ANK3: variants seen among roughly 807,000 people sequenced by gnomAD.
The protein encoded by ANK3 is ankyrin 3, also known as ankyrin-3.
In ANK3, 57 loss-of-function variants were observed where a neutral mutation model predicts 370.9. The ratio of observed to expected loss-of-function variants is 0.15; its 90% confidence interval spans 0.12 to 0.19. The LOEUF (loss-of-function observed/expected upper bound fraction) is 0.19. Ranked by LOEUF, ANK3 falls within the 10% of genes least tolerant of loss-of-function variation. The pLI is 1.00. For synonymous variants in ANK3, 1,929 were observed against 1,946.3 expected (o/e 0.99, Z 0.23); for missense variants, 4,439 against 5,302.1 (o/e 0.84, Z 5.06).
intron 2 of ANK3, among the ~76,000 whole-genome samples, chr10:60,488,434 C>A (rs57308365): frequency 3.3e-5 from 5 of 152,126 alleles, no homozygotes; most frequent in South Asian, 2.1e-4. Context: ...ACATCCTATA[C>A]AACTCACCCA....
At chr10:60,726,699 T>C (rs1429564808) in intron 1 of ANK3, among the ~76,000 whole-genome samples, 1 of 152,108 alleles carries the variant, frequency 6.6e-6, no homozygotes, top group Admixed American at 6.5e-5. Context: ...GTGATAGAAA[T>C]TTTCTAAAAT....
chr10:60,176,688 G>A (rs1432185642), intron 18 of ANK3, among the ~76,000 whole-genome samples: 1 of 152,026 alleles, frequency 6.6e-6, no homozygotes, highest in Admixed American at 6.6e-5. Flanking sequence ...GAATCCGGGA[G>A]GTAGAGGTTG....
At chr10:60,573,744 C>A (rs2077646654) in intron 2 of ANK3, among the ~76,000 whole-genome samples, 1 of 152,148 alleles carries the variant, frequency 6.6e-6, no homozygotes, top group Non-Finnish European at 1.5e-5. Context: ...GTTCTAGGAG[C>A]AACCACAGAC....
chr10:60,414,399 C>T (rs891632966), intron 2 of ANK3, among the ~76,000 whole-genome samples: 1 of 152,162 alleles, frequency 6.6e-6, no homozygotes, highest in African/African-American at 2.4e-5. Context: ...TTCTCAGGAA[C>T]ATGCAACTTT....
At chr10:60,296,115 A>G (rs2132775676) in intron 1 of ANK3, among the ~76,000 whole-genome samples, 1 of 152,318 alleles carries the variant, frequency 6.6e-6, no homozygotes, top group East Asian at 1.9e-4. Flanking sequence ...TTTGCAAAGT[A>G]CAGATCAGGA....
At chr10:60,428,338 C>T (rs774035347) in intron 2 of ANK3, among the ~76,000 whole-genome samples, 8 of 152,236 alleles carry the variant, frequency 5.3e-5, no homozygotes, top group East Asian at 3.9e-4. Context: ...CTTTGAAAGA[C>T]GGTTAGCTTC....
rs368797318 is a variant in ANK3, at chr10:60,559,355, C to T, written c.96+55831G>A. The stretch of plus-strand genomic sequence containing the variant: ...CTTAACTTCCACTTATGAGTGAGAA[C>T]ATAAAATGTTTGGTTTTCCATTCCT... On this transcript the variant is annotated intron_variant, in intron 2 of 43. Transcript: ENST00000373827. Among the ~76,000 whole-genome samples, 86 of 152,258 alleles carry T rather than the reference C, an allele frequency of 5.6e-4. 1 individual carries two copies. Among genetic ancestry groups the T allele is most frequent in the African/African-American group, 2.0e-3 (82 of 41,564 alleles).
At chr10:60,260,398 T>C (rs1296545403) in intron 7 of ANK3, among the ~76,000 whole-genome samples, 2 of 152,240 alleles carry the variant, frequency 1.3e-5, no homozygotes, top group Non-Finnish European at 2.9e-5. Context: ...CAACTACCAC[T>C]GTACTGCTGT....
chr10:60,566,628 T>G (rs2077469153), intron 2 of ANK3, among the ~76,000 whole-genome samples: 2 of 152,182 alleles, frequency 1.3e-5, no homozygotes, highest in South Asian at 4.1e-4. Flanking sequence ...ATTCCAGCAC[T>G]TTGGAAGGCC....
At chr10:60,186,347 C>CTCTCTTTT (rs565262395) in intron 17 of ANK3, among the ~76,000 whole-genome samples, 17 of 133,268 alleles carry the variant, frequency 1.3e-4, no homozygotes, top group African/African-American at 2.8e-4. Flanking sequence ...ATCTTTCTGT[C>CTCTCTTTT]TTTTTTTTTT....
intron 2 of ANK3, among the ~76,000 whole-genome samples, chr10:60,561,168 A>C: frequency 6.6e-6 from 1 of 152,204 alleles, no homozygotes; most frequent in East Asian, 1.9e-4. Context: ...ATTATTGCTT[A>C]ATTTTTCACT....
chr10:60,192,311 ATG>A (rs772932905), intron 16 of ANK3, among the ~76,000 whole-genome samples: 44 of 151,344 alleles, frequency 2.9e-4, no homozygotes, highest in Non-Finnish European at 4.7e-4. Flanking sequence ...CCATGTGTGT[ATG>A]TGTGTATATA....
chr10:60,546,058 C>T (rs2076956501), intron 2 of ANK3, among the ~76,000 whole-genome samples: 2 of 112,618 alleles, frequency 1.8e-5, no homozygotes, highest in South Asian at 6.0e-4. Flanking sequence ...TATTTAGAGA[C>T]AAGGTCTCAC....
chr10:60,503,095 C>T (rs937050916), intron 2 of ANK3, among the ~76,000 whole-genome samples: 9 of 151,954 alleles, frequency 5.9e-5, no homozygotes, highest in Non-Finnish European at 7.4e-5. Flanking sequence ...CATACATAAA[C>T]AATCAGCAAG....
chr10:60,309,316 C>T (rs1254802752), intron 1 of ANK3, among the ~76,000 whole-genome samples: 1 of 152,118 alleles, frequency 6.6e-6, no homozygotes, highest in African/African-American at 2.4e-5. Flanking sequence ...TTCATATGTT[C>T]TTGAATATAT....
intron 2 of ANK3, among the ~76,000 whole-genome samples, chr10:60,411,185 G>C (rs2063553373): frequency 6.6e-6 from 1 of 152,140 alleles, no homozygotes; most frequent in South Asian, 2.1e-4. Flanking sequence ...TGTTAGATTT[G>C]GAGGTTGTTT....
At chr10:60,588,246 G>A (rs1055560548) in intron 2 of ANK3, among the ~76,000 whole-genome samples, 26 of 150,552 alleles carry the variant, frequency 1.7e-4, no homozygotes, top group South Asian at 6.3e-4. Flanking sequence ...GTGCAGTGGC[G>A]CGATCTCAGC....
intron 23 of ANK3, chr10:60,146,146 T>G (rs1590806782): frequency 3.0e-6 from 4 of 1,347,718 alleles, no homozygotes; most frequent in East Asian, 5.2e-5. Flanking sequence ...AAGTCTGCCA[T>G]GTAGATACGA....
At chr10:60,406,469 A>T (rs1030065209) in intron 2 of ANK3, among the ~76,000 whole-genome samples, 7 of 152,178 alleles carry the variant, frequency 4.6e-5, no homozygotes, top group African/African-American at 7.2e-5. Flanking sequence ...AGATTCTCAT[A>T]AAGGGCAAGC....
Sources: allele counts gnomAD v4.1 joint callset (sites outside exome capture counted in the v4.1 genomes callset), GRCh38; gene constraint gnomAD v4.1.1; transcripts MANE v1.5; gene names NCBI Gene and HGNC (gene_info 2026-07-23, HGNC 2026-07-21).